Variants in SCAF11 observed in about 807,000 individuals in gnomAD.
The protein encoded by SCAF11 is SR-related CTD associated factor 11.
A neutral mutation model predicts 140.5 loss-of-function variants in SCAF11; 47 were observed. The observed-to-expected ratio is 0.33, with a 90% CI of 0.26 to 0.43. SCAF11 has a LOEUF of 0.43. SCAF11 is among the 20% of genes least tolerant of loss of function. The pLI, the probability that SCAF11 is intolerant of heterozygous loss-of-function variation, is 1.00. For synonymous variants in SCAF11, 557 were observed against 579.4 expected, an observed-to-expected ratio of 0.96 and a Z score of 0.55; for missense variants, 1,645 against 1,705.1, an observed-to-expected ratio of 0.96 and a Z score of 0.62.
chr12:45,984,147 C>G (rs1175281957), intron 1 of SCAF11, among the ~76,000 whole-genome samples: 1 of 151,944 alleles, frequency 6.6e-6, no homozygotes, highest in Non-Finnish European at 1.5e-5. Context: ...TTCTTTTTAC[C>G]TTAATAAAAA....
intron 8 of SCAF11, 61 bp from the exon 9 acceptor site, chr12:45,933,293 T>C: frequency 8.4e-7 from 1 of 1,185,524 alleles, no homozygotes; most frequent in Admixed American, 1.8e-5. Flanking sequence ...AAAAAACAAT[T>C]AGGTTGTACA....
intron 3 of SCAF11, chr12:45,961,489 G>A (rs1945828383): frequency 1.7e-6 from 1 of 574,478 alleles, no homozygotes; most frequent in Admixed American, 3.3e-5. Flanking sequence ...TTTTAAAAAA[G>A]TATGCATTTA....
rs761958186 is a variant in SCAF11, at chr12:45,928,163, T to C, written c.1538A>G (p.Glu513Gly). 6.2e-7 allele frequency: 1 copy of C among 1,613,982 alleles called. No individual in the cohort carries two copies. Among genetic ancestry groups the C allele is most frequent in the Admixed American group, 1.7e-5 (1 of 60,012 alleles). The change falls in exon 11 of 15, where the codon GAA becomes GGA. Residue 513 changes from glutamate to glycine, a missense_variant. This residue lies in a region of SCAF11 where 1,582 missense variants were observed against 1,609.2 expected (regional missense o/e 0.98). Transcript: ENST00000369367. ...NVLCLESEIS[E>G]NILEKGGDPL... is the part of the protein sequence containing the mutation. The stretch of plus-strand genomic sequence containing the variant: ...ATCACCTCCTTTTTCAAGAATATTT[T>C]CAGAAATCTCACTTTCCAAACACAA...
intron 3 of SCAF11, chr12:45,956,108 G>T (rs547886290): frequency 5.6e-6 from 4 of 715,782 alleles, no homozygotes; most frequent in African/African-American, 5.2e-5. Context: ...TCCTTATTTG[G>T]GAATTCAGGA....
intron 1 of SCAF11, among the ~76,000 whole-genome samples, chr12:45,982,994 A>C (rs1303589503): frequency 6.6e-6 from 1 of 152,210 alleles, no homozygotes; most frequent in Non-Finnish European, 1.5e-5. Context: ...ATAGGCAAAG[A>C]GTTTCTAAGA....
At chr12:45,983,041 G>A (rs746656639) in intron 1 of SCAF11, among the ~76,000 whole-genome samples, 3 of 152,138 alleles carry the variant, frequency 2.0e-5, no homozygotes, top group Non-Finnish European at 2.9e-5. Context: ...AGTAACTAAC[G>A]ACTGAGGCAA....
chr12:45,956,390 C>T (rs1428126437), intron 3 of SCAF11, among the ~76,000 whole-genome samples: 1 of 152,146 alleles, frequency 6.6e-6, no homozygotes, highest in African/African-American at 2.4e-5. Flanking sequence ...GTGGCTAATG[C>T]TTATTTTAAA....
At chr12:45,964,374 C>T (rs768804513) in intron 1 of SCAF11, among the ~76,000 whole-genome samples, 186 bp from the exon 2 acceptor site, 1 of 152,068 alleles carries the variant, frequency 6.6e-6, no homozygotes, top group East Asian at 1.9e-4. Context: ...TCTTATTGAA[C>T]GGAAAAGCCT....
At chr12:45,960,298 C>T (rs1181620059) in intron 3 of SCAF11, among the ~76,000 whole-genome samples, 2 of 151,998 alleles carry the variant, frequency 1.3e-5, no homozygotes, top group Non-Finnish European at 2.9e-5. Flanking sequence ...ACATATACTC[C>T]GATTAAGTTG....
At chr12:45,928,926 C>T (rs1944972487) in intron 10 of SCAF11, 67 bp from the exon 11 acceptor site, 1 of 985,968 alleles carries the variant, frequency 1.0e-6, no homozygotes, top group African/African-American at 1.7e-5. Context: ...TTGGCTTTAG[C>T]TAATTTTAGC....
In SCAF11 at chr12:45,931,592, T is replaced by C. The variant is rs1197159865; in HGVS notation, c.755A>G (p.Asn252Ser). ...GAGAGGAAGGACTTCTGTTTCAACA[T>C]TCCAGGGTATAAAACCAATTCTGAA... Reference protein sequence around the residue: ...GIGRIGFIPWNVETEVLPLIS... With the variant: ...GIGRIGFIPWSVETEVLPLIS... The change falls in exon 10 of 15, where the codon AAT (asparagine) becomes AGT (serine). Residue 252 changes from asparagine to serine, a missense_variant. By Grantham distance (46) the Asn-to-Ser change is conservative (BLOSUM62 1). Transcript: ENST00000369367. 2 of 1,531,160 alleles carry C rather than the reference T, an allele frequency of 1.3e-6. No individual in the cohort carries two copies. Among genetic ancestry groups the C allele is most frequent in the African/African-American group, 1.4e-5 (1 of 69,784 alleles). The allele number at this position is 1,531,160 out of a possible 1,614,324, so 94.8% of individuals were successfully genotyped here. A position where few individuals can be genotyped will look rare whatever the true frequency, so the allele number is the denominator to read the frequency against.
At chr12:45,988,367 G>C (rs1255186890) in intron 1 of SCAF11, among the ~76,000 whole-genome samples, 3 of 152,154 alleles carry the variant, frequency 2.0e-5, no homozygotes, top group Admixed American at 2.0e-4. Context: ...GGGTAGTATA[G>C]TACTGTATTT....
At chr12:45,941,247 C>T (rs984928897) in intron 6 of SCAF11, among the ~76,000 whole-genome samples, 1 of 152,156 alleles carries the variant, frequency 6.6e-6, no homozygotes, top group African/African-American at 2.4e-5. Context: ...AGACACCTTA[C>T]TTATCGAAAA....
chr12:45,954,421 G>C (rs1945627625), intron 3 of SCAF11, among the ~76,000 whole-genome samples: 1 of 151,956 alleles, frequency 6.6e-6, no homozygotes, highest in Non-Finnish European at 1.5e-5. Flanking sequence ...ATTTTTCATA[G>C]AGATGGGGTT....
upstream of SCAF11, chr12:45,990,719 C>G: frequency 8.2e-6 from 5 of 607,680 alleles, no homozygotes; most frequent in South Asian, 2.6e-4. Flanking sequence ...CTCGCTCTGG[C>G]CCTGAGTGCA....
In SCAF11 at chr12:45,961,827, G is replaced by C; in HGVS notation, c.92C>G (p.Thr31Ser). ...GTCAGCCTCACTGTACAACAGACCA[G>C]TGGAAATAGTATTATCTCCGTTTTC... ...GEENGDNTISTGLLYSEADRC... is the reference protein window; with the variant it reads ...GEENGDNTISSGLLYSEADRC... Residue 31 changes from threonine to serine, a missense_variant, in exon 3 of 15, where the codon ACT becomes AGT. Around this residue, in one of 2 missense-constraint regions of SCAF11, gnomAD observed 1,582 missense variants for 1,609.2 expected, o/e 0.98. Coordinates refer to ENST00000369367, the MANE Select transcript of SCAF11 (RefSeq NM_004719.3). 6.2e-7 allele frequency: 1 copy of C among 1,607,916 alleles called. No individual in the cohort carries two copies. The highest frequency in any genetic ancestry group is 1.7e-5 in the Admixed American group (1 of 58,858).
At chr12:45,964,069 G>T (rs1198839132) in intron 2 of SCAF11, 38 bp downstream of exon 2, 2 of 1,065,418 alleles carry the variant, frequency 1.9e-6, no homozygotes, top group Non-Finnish European at 1.4e-6. Context: ...CAACTGTTTT[G>T]CTTTCAACAA....
chr12:45,964,959 C>T (rs1315602970), intron 1 of SCAF11, among the ~76,000 whole-genome samples: 1 of 151,594 alleles, frequency 6.6e-6, no homozygotes, highest in African/African-American at 2.4e-5. Context: ...ACTAAGGAGA[C>T]AGTTGTGTGT....
In SCAF11 at chr12:45,927,051, T is replaced by C. The variant is rs767929574; in HGVS notation, c.2650A>G (p.Arg884Gly). The change falls in exon 11 of 15, where the codon AGA (arginine) becomes GGA (glycine). Residue 884 changes from arginine (R) to glycine (G), a missense_variant. By Grantham distance (125) the Arg-to-Gly change is moderately radical. Coordinates refer to ENST00000369367, the MANE Select transcript of SCAF11 (RefSeq NM_004719.3). ...ESRRSESLSPRRETSRENKRS... is the reference protein window; with the variant it reads ...ESRRSESLSPGRETSRENKRS... ...TTGTTCTCTCTAGAAGTTTCTCTTC[T>C]TGGGGACAGTGATTCAGATCTTCTG... 57 of 1,614,052 alleles carry C rather than the reference T, an allele frequency of 3.5e-5. No individual in the cohort carries two copies. The highest frequency in any genetic ancestry group is 4.7e-5 in the Non-Finnish European group (56 of 1,180,032).
Sources: gnomAD v4.1 joint callset for allele counts (sites outside exome capture counted in the v4.1 genomes callset) on GRCh38, gnomAD v4.1.1 for gene constraint, gnomAD v4.1.1 regional missense constraint, MANE v1.5 for transcripts, NCBI Gene and HGNC (gene_info 2026-07-23, HGNC 2026-07-21) for gene names.